Variants in SLC22A23 observed in about 807,000 individuals in gnomAD.
The protein encoded by SLC22A23 is solute carrier family 22 member 23.
Under a neutral mutation model 61.0 loss-of-function variants are expected in SLC22A23, and 26 were observed. The observed-to-expected ratio is 0.43, with a 90% CI of 0.31 to 0.59. The LOEUF (loss-of-function observed/expected upper bound fraction) is 0.59, where lower values mean the gene tolerates loss of function less well. Among genes scored for constraint, SLC22A23 ranks in the 20% least tolerant of loss-of-function variants. SLC22A23 has a pLI of 0.11. For synonymous variants in SLC22A23, 430 were observed against 413.9 expected, an observed-to-expected ratio of 1.04 and a Z score of -0.47; for missense variants, 796 against 934.7, an observed-to-expected ratio of 0.85 and a Z score of 1.94.
At chr6:3,423,487 G>A (rs973065686) in intron 1 of SLC22A23, among the ~76,000 whole-genome samples, 5 of 152,200 alleles carry the variant, frequency 3.3e-5, no homozygotes, top group African/African-American at 4.8e-5. Context: ...ACCTTGAAGA[G>A]TCTTTCCAAA....
At chr6:3,452,528 G>A (rs1039139966) in intron 1 of SLC22A23, among the ~76,000 whole-genome samples, 15 of 143,992 alleles carry the variant, frequency 1.0e-4, no homozygotes, top group African/African-American at 3.9e-4. Context: ...AAGCCTGGGA[G>A]GTGGAGGCTT....
chr6:3,415,895 TAC>T (rs1214687964), intron 1 of SLC22A23, 40 bp from the exon 2 acceptor site: 2 of 1,413,274 alleles, frequency 1.4e-6, no homozygotes, highest in African/African-American at 2.8e-5. Context: ...GAGAGAAACA[TAC>T]ACAGAGCTAG....
At chr6:3,284,594 T>TGGGGC (rs1759792862) in intron 8 of SLC22A23, among the ~76,000 whole-genome samples, 1 of 151,528 alleles carries the variant, frequency 6.6e-6, no homozygotes, top group Admixed American at 6.6e-5. Context: ...GGGCGAGGGC[T>TGGGGC]GGGGCAGGCC....
chr6:3,279,509 CAAA>C (rs10642564), intron 9 of SLC22A23, among the ~76,000 whole-genome samples: 1,504 of 35,858 alleles, frequency 0.042, 19 homozygotes, highest in African/African-American at 0.1. Context: ...GGCTCCGTCT[CAAA>C]AAAAAAAAAA....
rs1380391072 is a variant in SLC22A23, at chr6:3,372,068, G to A, written c.913+38120C>T. Among the ~76,000 whole-genome samples, 2 of 152,208 alleles carry A rather than the reference G, an allele frequency of 1.3e-5. No homozygotes were observed. Among genetic ancestry groups the A allele is most frequent in the East Asian group, 3.8e-4 (2 of 5,196 alleles). Reference sequence around the variant, plus strand: ...CCTAATTTACAGATGAGGAAACTGAGGAACAGTTCCTAGCCCATGCTTAAA... The same window carrying A: ...CCTAATTTACAGATGAGGAAACTGAAGAACAGTTCCTAGCCCATGCTTAAA... On this transcript the variant is annotated intron_variant, in intron 3 of 9. Transcript: ENST00000406686. This position sits in a 1 kb window ranked among gnomAD's most constrained non-coding sequence, Gnocchi z 4.7.
intron 5 of SLC22A23, 174 bp from the exon 6 acceptor site, chr6:3,290,040 C>G: frequency 1.6e-6 from 1 of 635,888 alleles, no homozygotes; most frequent in Non-Finnish European, 2.8e-6. Context: ...GATAGAAAGG[C>G]ACTCATAAGA....
At chr6:3,349,726 C>G (rs1764651048) in intron 3 of SLC22A23, among the ~76,000 whole-genome samples, 1 of 152,210 alleles carries the variant, frequency 6.6e-6, no homozygotes, top group Non-Finnish European at 1.5e-5. Context: ...GGTGGAAGAG[C>G]AGAGTGGAGA....
chr6:3,416,976 G>A (rs1024414481), intron 1 of SLC22A23, among the ~76,000 whole-genome samples: 8 of 152,062 alleles, frequency 5.3e-5, no homozygotes, highest in African/African-American at 9.7e-5. Context: ...GTCTCCCCCC[G>A]CCCCTTGTCT....
At chr6:3,279,886 G>A (rs1270237630) in intron 9 of SLC22A23, among the ~76,000 whole-genome samples, 5 of 152,126 alleles carry the variant, frequency 3.3e-5, no homozygotes, top group African/African-American at 1.2e-4. Flanking sequence ...ATCTCAATAA[G>A]GTAGGAAAAC....
rs1455080139 is a variant in SLC22A23, at chr6:3,342,726, T to C, written c.914-18724A>G. The stretch of plus-strand genomic sequence containing the variant: ...CATCGTACAAATAACACCTTCACAT[T>C]AGTGCTGGGGATGAAAACCTTTTCC... On this transcript the variant is annotated intron_variant, in intron 3 of 9. Transcript: ENST00000406686. This position sits in a 1 kb window ranked among gnomAD's most constrained non-coding sequence, Gnocchi z 4.0. Among the ~76,000 whole-genome samples the C allele has an allele frequency of 6.6e-6, 1 of 152,160 alleles. No homozygotes were observed. The highest frequency in any genetic ancestry group is 1.5e-5 in the Non-Finnish European group (1 of 68,034).
rs540659235 is a variant in SLC22A23 at position 3,426,888 on chromosome 6, TC to T, written c.655-11034del. Among the ~76,000 whole-genome samples, 22 of 152,348 alleles carry T rather than the reference TC, an allele frequency of 1.4e-4. No individual in the cohort carries two copies. In the South Asian group the frequency reaches 4.1e-3, roughly 29 times the overall value. Reference sequence around the variant, plus strand: ...TGCTGCTACAGGACAGCATAATCCTTCAGGTTTTTACCCATTTGGACTTTGT... The same window carrying T: ...TGCTGCTACAGGACAGCATAATCCTTAGGTTTTTACCCATTTGGACTTTGT... On this transcript the variant is annotated intron_variant, in intron 1 of 9. Coordinates refer to ENST00000406686, the MANE Select transcript of SLC22A23 (RefSeq NM_015482.2).
Position 3,407,277 on chromosome 6 carries a change from A to G in SLC22A23, c.913+2911T>C, listed in dbSNP as rs185185213. Among the ~76,000 whole-genome samples the G allele has an allele frequency of 3.9e-3, 591 of 152,362 alleles. 2 individuals are homozygous for G. The Middle Eastern group carries it at 0.061, about 16-fold the overall frequency. ...ACAAATTTCCAAGCATTACCTAGGC[A>G]TAAATACTACTGTGTATAAAATGCT... On this transcript the variant is annotated intron_variant, in intron 3 of 9. Coordinates refer to ENST00000406686, the MANE Select transcript of SLC22A23 (RefSeq NM_015482.2).
chr6:3,374,934 A>G (rs887388306), intron 3 of SLC22A23, among the ~76,000 whole-genome samples: 3 of 152,220 alleles, frequency 2.0e-5, no homozygotes, highest in African/African-American at 7.2e-5. Flanking sequence ...GTGGTTTTTA[A>G]GAACCATTTC....
At chr6:3,280,121 C>G (rs1389889189) in intron 9 of SLC22A23, among the ~76,000 whole-genome samples, 1 of 152,168 alleles carries the variant, frequency 6.6e-6, no homozygotes, top group Non-Finnish European at 1.5e-5. Context: ...GAAATAAATA[C>G]AACTGCTGAA....
intron 3 of SLC22A23, among the ~76,000 whole-genome samples, chr6:3,408,176 C>A (rs1768960420): frequency 6.6e-6 from 1 of 152,202 alleles, no homozygotes; most frequent in Non-Finnish European, 1.5e-5. Context: ...AAAAAGTTTG[C>A]CAGTGTCTGG....
At chr6:3,311,930 C>G (rs988329522) in intron 4 of SLC22A23, 2 of 152,144 alleles carry the variant, frequency 1.3e-5, no homozygotes, top group African/African-American at 2.4e-5. Flanking sequence ...ATCTGTAGAC[C>G]GGGTTGTGGA....
intron 3 of SLC22A23, among the ~76,000 whole-genome samples, chr6:3,380,299 C>G (rs1255949690): frequency 1.3e-5 from 2 of 152,172 alleles, no homozygotes; most frequent in African/African-American, 2.4e-5. Flanking sequence ...CTCCACTAAC[C>G]TATCTTGACA....
chr6:3,314,500 GT>G, intron 4 of SLC22A23, among the ~76,000 whole-genome samples: 1 of 152,302 alleles, frequency 6.6e-6, no homozygotes, highest in South Asian at 2.1e-4. Context: ...ACCTCACAGG[GT>G]CTTCAGGAAG....
At position 3,410,402 on chromosome 6, in the gene SLC22A23, G is replaced by A; in HGVS notation, c.759-60C>T. 6.7e-7 allele frequency: 1 copy of A among 1,496,868 alleles called. No individual in the cohort carries two copies. The highest frequency in any genetic ancestry group is 8.9e-7 in the Non-Finnish European group (1 of 1,117,740). 92.7% of individuals were successfully genotyped at this position (1,496,868 alleles called of 1,614,324 possible). A position where few individuals can be genotyped will look rare whatever the true frequency, so the allele number is the denominator to read the frequency against. On this transcript the variant is annotated intron_variant, in intron 2 of 9. Transcript: ENST00000406686. This position sits in a 1 kb window ranked among gnomAD's most constrained non-coding sequence, Gnocchi z 5.0. The stretch of plus-strand genomic sequence containing the variant: ...GTGAAACAAGACAATGACGCTAGAT[G>A]CTGAAACCCGGTGTCCAGCAGGCAC...
Sources: allele counts gnomAD v4.1 joint callset (sites outside exome capture counted in the v4.1 genomes callset), GRCh38; gene constraint gnomAD v4.1.1; non-coding constraint Gnocchi (gnomAD v3.1); transcripts MANE v1.5; gene names NCBI Gene and HGNC (gene_info 2026-07-23, HGNC 2026-07-21).